The following PTPRB variants were observed in gnomAD, a reference collection of about 807,000 sequenced individuals.
The protein encoded by PTPRB is protein tyrosine phosphatase receptor type B, also known as receptor-type tyrosine-protein phosphatase beta.
A neutral mutation model predicts 238.1 loss-of-function variants in PTPRB; 97 were observed. The ratio of observed to expected loss-of-function variants is 0.41; its 90% CI spans 0.35 to 0.48. PTPRB has a LOEUF of 0.48. Ranked by LOEUF, PTPRB falls within the 20% of genes least tolerant of loss-of-function variation. PTPRB has a pLI of 0.30. For synonymous variants in PTPRB, 970 were observed against 995.4 expected, an observed-to-expected ratio of 0.97 and a Z score of 0.48; for missense variants, 2,292 against 2,681.9, an observed-to-expected ratio of 0.85 and a Z score of 3.21.
intron 32 of PTPRB, among the ~76,000 whole-genome samples, chr12:70,525,105 A>G (rs1872234027): frequency 6.6e-6 from 1 of 152,060 alleles, no homozygotes; most frequent in African/African-American, 2.4e-5. Flanking sequence ...GCTTACGTAA[A>G]TTACCTCATT....
At chr12:70,591,103 T>TC (rs1468658948) in intron 7 of PTPRB, among the ~76,000 whole-genome samples, 1 of 81,978 alleles carries the variant, frequency 1.2e-5, no homozygotes, top group African/African-American at 3.5e-5. Flanking sequence ...GCTAATTAAT[T>TC]TTTTTTTTTT....
Position 70,520,337 on chromosome 12 carries a change from T to C in PTPRB, c.*1152A>G, listed in dbSNP as rs893131433. ...AGTGCCTTTTGTTATTAAATGCAAC[T>C]TTGGGTGATTACTTGACATTTTGAC... On this transcript the variant is annotated 3_prime_UTR_variant, in exon 34 of 34. Transcript: ENST00000334414. 1 of 281,172 alleles carries C rather than the reference T, an allele frequency of 3.6e-6. No homozygotes were observed. Among genetic ancestry groups the C allele is most frequent in the Non-Finnish European group, 7.3e-6 (1 of 136,990 alleles). The allele number at this position is 281,172 out of a possible 1,614,324, so 17.4% of individuals were successfully genotyped here. A position where few individuals can be genotyped will look rare whatever the true frequency, so the allele number is the denominator to read the frequency against.
chr12:70,569,853 G>T lies in PTPRB; in HGVS notation c.3456C>A (p.Asp1152Glu), dbSNP rs192154423. ...ATGCCGACACCGTGTAGGAATCAACGTCTCCCCCACCAGGAGTCCAGTTCA... is the reference window on the plus strand; with the variant it reads ...ATGCCGACACCGTGTAGGAATCAACTTCTCCCCCACCAGGAGTCCAGTTCA... ...LTVNWTPGGG[D>E]VDSYTVSAFR... The change falls in exon 14 of 34, where the codon GAC becomes GAA. Residue 1152 changes from aspartate to glutamate, a missense_variant. Physicochemically the swap from Asp to Glu is conservative, Grantham distance 45 (BLOSUM62 2). Coordinates refer to ENST00000334414, the MANE Select transcript of PTPRB (RefSeq NM_001109754.4). 1.9e-6 allele frequency: 3 copies of T among 1,613,904 alleles called. No homozygotes were observed. In the African/African-American group the frequency reaches 4.0e-5, roughly 22 times the overall value.
Position 70,594,553 on chromosome 12 carries a change from C to A in PTPRB, c.1430G>T (p.Gly477Val), listed in dbSNP as rs753075904. 6.2e-7 allele frequency: 1 copy of A among 1,613,964 alleles called. No individual in the cohort carries two copies. The highest frequency in any genetic ancestry group is 1.1e-5 in the South Asian group (1 of 91,078). ...GTTGTAGAGGTAGCCAGGGGTCAGC[C>A]CGTGAAAAGCATAGGAAGTAGCATG... ...DKHATSYAFH[G>V]LTPGYLYNLT... The change falls in exon 6 of 34, where the codon GGG becomes GTG. Residue 477 changes from glycine (G) to valine (V), a missense_variant. Gly to Val is a moderately radical substitution (Grantham distance 109, BLOSUM62 -3). Coordinates refer to ENST00000334414, the MANE Select transcript of PTPRB (RefSeq NM_001109754.4).
At position 70,559,212 on chromosome 12, in the gene PTPRB, CTGCCTGAATTCA is replaced by C. The variant is rs1384295743; in HGVS notation, c.4714+119_4714+130del. The stretch of plus-strand genomic sequence containing the variant: ...TGAACGAACAAATCTACAGAGACTT[CTGCCTGAATTCA>C]AATCCAGACCAATCCCATGTAAAAA... On this transcript the variant is annotated intron_variant, in intron 18 of 33. Coordinates refer to ENST00000334414, the MANE Select transcript of PTPRB (RefSeq NM_001109754.4). 119 of 980,226 alleles carry C rather than the reference CTGCCTGAATTCA, an allele frequency of 1.2e-4. 1 individual carries two copies. In the Admixed American group the frequency reaches 2.3e-3, roughly 19 times the overall value. 60.7% of individuals were successfully genotyped at this position (980,226 alleles called of 1,614,324 possible). A position where few individuals can be genotyped will look rare whatever the true frequency, so the allele number is the denominator to read the frequency against.
intron 14 of PTPRB, among the ~76,000 whole-genome samples, chr12:70,567,724 T>G (rs1879489006): frequency 6.6e-6 from 1 of 152,224 alleles, no homozygotes; most frequent in Non-Finnish European, 1.5e-5. Context: ...TTCATAGCAC[T>G]CCCATGCTAA....
intron 1 of PTPRB, among the ~76,000 whole-genome samples, chr12:70,636,779 G>A (rs998562515): frequency 6.6e-6 from 1 of 152,092 alleles, no homozygotes; most frequent in African/African-American, 2.4e-5. Context: ...TCATGTGCCA[G>A]TGTAAGAAAA....
intron 3 of PTPRB, among the ~76,000 whole-genome samples, chr12:70,618,493 G>A (rs1014967828): frequency 3.9e-5 from 6 of 152,160 alleles, no homozygotes; most frequent in Non-Finnish European, 8.8e-5. Context: ...CTATCCTTAA[G>A]TTAAAGAAGA....
At chr12:70,618,944 T>C (rs17108403) in intron 3 of PTPRB, among the ~76,000 whole-genome samples, 1 of 151,816 alleles carries the variant, frequency 6.6e-6, no homozygotes, top group Non-Finnish European at 1.5e-5. Context: ...ACTTCCAAAG[T>C]CAGACCCCTC....
intron 20 of PTPRB, among the ~76,000 whole-genome samples, chr12:70,554,784 CAA>C (rs1261823309): frequency 6.6e-6 from 1 of 152,042 alleles, no homozygotes; most frequent in Non-Finnish European, 1.5e-5. Flanking sequence ...AATGGTAGAA[CAA>C]AAGAGTAGTG....
Position 70,592,828 on chromosome 12 carries a change from G to A in PTPRB, c.1517-283C>T, listed in dbSNP as rs116841616. Among the ~76,000 whole-genome samples the A allele has an allele frequency of 1.6e-3, 250 of 152,360 alleles. 3 individuals are homozygous for A. In the East Asian group the frequency reaches 0.028, roughly 17 times the overall value. ...AGAAGCCTGGATTCTGGTTCAGACT[G>A]GGCCATTAGTCAGCTGGGAAACTCT... On this transcript the variant is annotated intron_variant, in intron 6 of 33. Coordinates refer to ENST00000334414, the MANE Select transcript of PTPRB (RefSeq NM_001109754.4).
chr12:70,538,015 T>A (rs894837064), intron 28 of PTPRB, 140 bp downstream of exon 28: 14 of 627,314 alleles, frequency 2.2e-5, no homozygotes, highest in Admixed American at 3.3e-5. Flanking sequence ...CCATTTTTTT[T>A]ATGGCATTCA....
intron 4 of PTPRB, among the ~76,000 whole-genome samples, chr12:70,602,497 T>C (rs1883593677): frequency 6.6e-6 from 1 of 152,238 alleles, no homozygotes; most frequent in African/African-American, 2.4e-5. Flanking sequence ...TCATGAGCTG[T>C]CACTTGATAT....
At chr12:70,537,180 G>A (rs1197170966) in intron 28 of PTPRB, among the ~76,000 whole-genome samples, 5 of 150,956 alleles carry the variant, frequency 3.3e-5, no homozygotes, top group Admixed American at 2.0e-4. Context: ...TCAGCTACTC[G>A]GGCGGCTGAG....
chr12:70,549,770 A>G (rs1473265012), intron 21 of PTPRB, among the ~76,000 whole-genome samples: 1 of 152,208 alleles, frequency 6.6e-6, no homozygotes, highest in African/African-American at 2.4e-5. Context: ...CCTCTCATCA[A>G]GCATTATCTG....
chr12:70,587,351 C>T, intron 8 of PTPRB, 84 bp from the exon 9 acceptor site: 33 of 1,425,602 alleles, frequency 2.3e-5, no homozygotes, highest in Non-Finnish European at 2.9e-5. Flanking sequence ...CCTCTTCCAT[C>T]CTTAAGCGTG....
In PTPRB at chr12:70,619,157, A is replaced by AGTGTGTGTGTGT. The variant is rs3049143; in HGVS notation, c.708+3221_708+3232dup. Among the ~76,000 whole-genome samples the AGTGTGTGTGTGT allele has an allele frequency of 9.8e-3, 1,388 of 142,174 alleles. 24 individuals are homozygous for AGTGTGTGTGTGT. Among genetic ancestry groups the AGTGTGTGTGTGT allele is most frequent in the African/African-American group, 0.034 (1,299 of 38,112 alleles). The allele number at this position is 142,174 out of a possible 152,430, so 93.3% of individuals were successfully genotyped here. A position where few individuals can be genotyped will look rare whatever the true frequency, so the allele number is the denominator to read the frequency against. ...GAATATGTGACTAGATGTTTAGGGG[A>AGTGTGTGTGTGT]GTGTGTGTGTGTGTGTGTGTGTGTG... On this transcript the variant is annotated intron_variant, in intron 3 of 33. Coordinates refer to ENST00000334414, the MANE Select transcript of PTPRB (RefSeq NM_001109754.4).
At chr12:70,599,768 C>T (rs1420629088) in intron 4 of PTPRB, among the ~76,000 whole-genome samples, 2 of 152,094 alleles carry the variant, frequency 1.3e-5, no homozygotes, top group Admixed American at 1.3e-4. Flanking sequence ...TGGCAAAATT[C>T]CTGAACCAAA....
intron 2 of PTPRB, among the ~76,000 whole-genome samples, chr12:70,631,145 A>G (rs2136606996): frequency 6.6e-6 from 1 of 152,342 alleles, no homozygotes; most frequent in South Asian, 2.1e-4. Flanking sequence ...AAAAGAACAA[A>G]GCTGGAGGCA....
Sources: gnomAD v4.1 joint callset for allele counts (sites outside exome capture counted in the v4.1 genomes callset) on GRCh38, gnomAD v4.1.1 for gene constraint, MANE v1.5 for transcripts, NCBI Gene and HGNC (gene_info 2026-07-23, HGNC 2026-07-21) for gene names.